BIRC6: variants seen among roughly 807,000 people sequenced by gnomAD.
The protein encoded by BIRC6 is dual E2 ubiquitin-conjugating enzyme/E3 ubiquitin-protein ligase BIRC6.
A neutral mutation model predicts 503.3 loss-of-function variants in BIRC6; 98 were observed. That is an observed-to-expected ratio of 0.19 (90% CI 0.17 to 0.23). The LOEUF (loss-of-function observed/expected upper bound fraction) is 0.23, where lower values mean the gene tolerates loss of function less well. Among genes scored for constraint, BIRC6 ranks in the 10% least tolerant of loss-of-function variants. The probability of loss-of-function intolerance (pLI) is 1.00; values close to 1 mark genes in which losing one functional copy is unlikely to be tolerated. For synonymous variants in BIRC6, 2,240 were observed against 2,078.7 expected (o/e 1.08, Z -2.11); for missense variants, 5,360 against 5,806.0 (o/e 0.92, Z 2.50).
chr2:32,546,751 A>G (rs1212291904), intron 63 of BIRC6, among the ~76,000 whole-genome samples: 2 of 152,188 alleles, frequency 1.3e-5, no homozygotes, highest in African/African-American at 4.8e-5. Context: ...AAAATATCTA[A>G]GAGTAAATCT....
intron 9 of BIRC6, among the ~76,000 whole-genome samples, chr2:32,407,717 A>G (rs1046808485): frequency 6.6e-6 from 1 of 152,136 alleles, no homozygotes; most frequent in African/African-American, 2.4e-5. Flanking sequence ...CACTAAATGG[A>G]ACACTGGACA....
rs534700760 is a variant in BIRC6 at position 32,372,903 on chromosome 2, A to G, written c.326-4685A>G. On this transcript the variant is annotated intron_variant, in intron 1 of 73. Transcript: ENST00000421745. ...TTTGATGATTATAAATAGAGCGACT[A>G]TAAACTTCTGAGTATAGATTTTTGT... Among the ~76,000 whole-genome samples the G allele has an allele frequency of 4.6e-5, 7 of 152,330 alleles. No homozygotes were observed. In the South Asian group the frequency reaches 8.3e-4, roughly 18 times the overall value.
chr2:32,468,678 A>G lies in BIRC6; in HGVS notation c.6022A>G (p.Thr2008Ala). 6.2e-7 allele frequency: 1 copy of G among 1,614,032 alleles called. No individual in the cohort carries two copies. Among genetic ancestry groups the G allele is most frequent in the South Asian group, 1.1e-5 (1 of 91,082 alleles). ...TGCAAGCCGGAAGATGTTGAGTGAA[A>G]CATCAAATCCAGAAGATTTAATTCA... ...LGASRKMLSE[T>A]SNPEDLIQTS... Residue 2008 changes from threonine to alanine, a missense_variant, in exon 29 of 74, where the codon ACA becomes GCA. Physicochemically the swap from Thr to Ala is moderately conservative, Grantham distance 58. Around this residue, in one of 16 missense-constraint regions of BIRC6, gnomAD observed 2,299 missense variants for 2,267.2 expected, o/e 1.01. Coordinates refer to ENST00000421745, the MANE Select transcript of BIRC6 (RefSeq NM_016252.4).
In BIRC6 at chr2:32,463,228, A is replaced by G. The variant is rs780212775; in HGVS notation, c.4788A>G (p.Gly1596=). 8 of 1,613,250 alleles carry G rather than the reference A, an allele frequency of 5.0e-6. No individual in the cohort carries two copies. Among genetic ancestry groups the G allele is most frequent in the Middle Eastern group, 1.7e-4 (1 of 6,060 alleles). ...SSFGVTPAVG[G]LSSGTVGEAS... is the part of the protein sequence containing the mutation. ...TCGGGGTTACTCCTGCAGTAGGTGG[A>G]CTATCATCTGGGACAGTTGGGGAAG... The change falls in exon 24 of 74, where the codon GGA becomes GGG. Residue 1596 remains glycine (G), a synonymous_variant. Transcript: ENST00000421745.
intron 65 of BIRC6, among the ~76,000 whole-genome samples, chr2:32,550,510 C>G (rs1357074090): frequency 6.6e-6 from 1 of 151,962 alleles, no homozygotes; most frequent in Non-Finnish European, 1.5e-5. Flanking sequence ...AAGTAGATGT[C>G]AAATGCATAA....
rs200578652 is a variant in BIRC6, at chr2:32,578,803, A to AATAC, written c.13355+3466_13355+3469dup. ...AACAGAGGGAAACTCTGTCTCAAAA[A>AATAC]ATACATACATACATACATACATACA... is the stretch of plus-strand genomic sequence containing the variant. On this transcript the variant is annotated intron_variant, in intron 66 of 73. Transcript: ENST00000421745. 3.3e-3 allele frequency among the ~76,000 whole-genome samples: 468 copies of AATAC among 140,768 alleles called. 5 individuals are homozygous for AATAC. The East Asian group carries it at 0.048, about 14-fold the overall frequency. The allele number at this position is 140,768 out of a possible 152,430, so 92.3% of individuals were successfully genotyped here.
At chr2:32,568,491 C>CA (rs59954195) in intron 65 of BIRC6, among the ~76,000 whole-genome samples, 32,593 of 108,642 alleles carry the variant, frequency 0.3, 5,012 homozygotes, top group East Asian at 0.64. Flanking sequence ...GACCTTGGCG[C>CA]AAAAAAAAAA....
intron 59 of BIRC6, 62 bp from the exon 60 acceptor site, chr2:32,529,589 A>T: frequency 7.2e-7 from 1 of 1,386,450 alleles, no homozygotes; most frequent in Non-Finnish European, 9.6e-7. Flanking sequence ...AGCAGATAAT[A>T]ATTAAACCAA....
chr2:32,387,635 A>G (rs2038660239), intron 3 of BIRC6, among the ~76,000 whole-genome samples: 1 of 152,182 alleles, frequency 6.6e-6, no homozygotes, highest in Admixed American at 6.5e-5. Context: ...TTTAGTTGCT[A>G]TTGCTGGATT....
At chr2:32,558,427 A>G (rs939424060) in intron 65 of BIRC6, among the ~76,000 whole-genome samples, 45 of 152,118 alleles carry the variant, frequency 3.0e-4, no homozygotes, top group African/African-American at 9.9e-4. Context: ...GGATTTAAAT[A>G]ATTTTTTCCT....
At chr2:32,567,780 T>C (rs2059631028) in intron 65 of BIRC6, among the ~76,000 whole-genome samples, 1 of 152,122 alleles carries the variant, frequency 6.6e-6, no homozygotes, top group African/African-American at 2.4e-5. Context: ...TAGATGGATG[T>C]ATACCAAAAT....
intron 69 of BIRC6, among the ~76,000 whole-genome samples, chr2:32,599,158 A>G (rs1253995011): frequency 3.3e-5 from 5 of 151,468 alleles, no homozygotes; most frequent in Admixed American, 2.6e-4. Flanking sequence ...GTGAAACCTC[A>G]TCTCTACTAA....
intron 7 of BIRC6, 34 bp from the exon 8 acceptor site, chr2:32,401,429 A>T (rs1021191965): frequency 6.2e-7 from 1 of 1,612,774 alleles, no homozygotes; most frequent in Admixed American, 1.7e-5. Flanking sequence ...TTGAAAAAAG[A>T]TCAGTTGTAA....
intron 67 of BIRC6, among the ~76,000 whole-genome samples, chr2:32,594,724 A>G (rs1397228694): frequency 6.6e-6 from 1 of 152,056 alleles, no homozygotes; most frequent in East Asian, 1.9e-4. Flanking sequence ...GGATGGATGG[A>G]TGGATGGACG....
At chr2:32,489,440 T>C (rs2051415076) in intron 42 of BIRC6, among the ~76,000 whole-genome samples, 1 of 151,918 alleles carries the variant, frequency 6.6e-6, no homozygotes, top group African/African-American at 2.4e-5. Context: ...ATTATTATTA[T>C]AATAAAATTT....
chr2:32,505,950 G>C (rs1003403451), intron 50 of BIRC6, among the ~76,000 whole-genome samples: 3 of 151,844 alleles, frequency 2.0e-5, no homozygotes, highest in African/African-American at 7.3e-5. Context: ...AGGCTCAAAT[G>C]ATCCTCTCAT....
Position 32,518,402 on chromosome 2 carries a change from G to A in BIRC6, c.11493+5G>A, listed in dbSNP as rs961252896. 3 of 1,602,268 alleles carry A rather than the reference G, an allele frequency of 1.9e-6. No homozygotes were observed. Among genetic ancestry groups the A allele is most frequent in the Non-Finnish European group, 2.5e-6 (3 of 1,177,244 alleles). On this transcript the variant is annotated splice_donor_5th_base_variant and intron_variant, in intron 56 of 73. Coordinates refer to ENST00000421745, the MANE Select transcript of BIRC6 (RefSeq NM_016252.4). ...TTTCTTCAGTCTCCATGTCCAGTGA[G>A]TATTTAACACTTAATCATTGGCTGT...
intron 54 of BIRC6, among the ~76,000 whole-genome samples, chr2:32,514,597 T>G (rs2054813956): frequency 6.6e-6 from 1 of 152,206 alleles, no homozygotes; most frequent in South Asian, 2.1e-4. Flanking sequence ...TCACTGGTAG[T>G]TTTTTATTTG....
In BIRC6 at chr2:32,466,072, G is replaced by A. The variant is rs192156334; in HGVS notation, c.5356+908G>A. 2.6e-5 allele frequency among the ~76,000 whole-genome samples: 4 copies of A among 152,184 alleles called. No individual in the cohort carries two copies. The East Asian group carries it at 7.7e-4, about 29-fold the overall frequency. ...TGTAGTACATAAGCCTCCTGAGGAG[G>A]ATAACTATGTTCTTTCTTTTTTTTT... On this transcript the variant is annotated intron_variant, in intron 26 of 73. Transcript: ENST00000421745.
Sources: allele counts gnomAD v4.1 joint callset (sites outside exome capture counted in the v4.1 genomes callset), GRCh38; gene constraint gnomAD v4.1.1; regional missense constraint gnomAD v4.1.1; transcripts MANE v1.5; gene names NCBI Gene and HGNC (gene_info 2026-07-23, HGNC 2026-07-21).